Variants in LINGO2 observed in about 807,000 individuals in gnomAD.
LINGO2 encodes leucine rich repeat and Ig domain containing 2, also known as leucine-rich repeat and immunoglobulin-like domain-containing nogo receptor-interacting protein 2.
In LINGO2, 14 loss-of-function variants were observed where a neutral mutation model predicts 30.6. That is an observed-to-expected ratio of 0.46 (90% confidence interval 0.30 to 0.72). LINGO2 has a LOEUF of 0.72. Ranked by LOEUF, LINGO2 falls within the 30% of genes least tolerant of loss-of-function variation. The pLI is 0.07. For missense variants in LINGO2, 729 were observed against 751.7 expected (o/e 0.97, Z 0.35); for synonymous variants, 317 against 288.5 (o/e 1.10, Z -1.00).
chr9:29,199,165 G>A, the LINGO2 span, among the ~76,000 whole-genome samples: 5 of 152,078 alleles, frequency 3.3e-5, no homozygotes, highest in African/African-American at 1.2e-4. Context: ...AGACTGCAGT[G>A]TCTAAAGGAA....
chr9:29,201,098 C>T, the LINGO2 span, among the ~76,000 whole-genome samples: 7 of 151,990 alleles, frequency 4.6e-5, no homozygotes, highest in African/African-American at 7.2e-5. Context: ...CTTTTTCCTC[C>T]TCCTTTCTAT....
At chr9:27,971,436 C>T (rs987018489) in intron 5 of LINGO2, among the ~76,000 whole-genome samples, 2 of 152,084 alleles carry the variant, frequency 1.3e-5, no homozygotes, top group Non-Finnish European at 1.5e-5. Flanking sequence ...GGCTGGAGTG[C>T]GGTGGCCATG....
the LINGO2 span, among the ~76,000 whole-genome samples, chr9:29,083,350 G>T: frequency 7.9e-5 from 12 of 151,998 alleles, no homozygotes; most frequent in African/African-American, 2.9e-4. Context: ...ACCAAACACC[G>T]CATGTTCTCA....
At chr9:27,951,508 A>G (rs953190264) in intron 5 of LINGO2, among the ~76,000 whole-genome samples, 74 of 152,224 alleles carry the variant, frequency 4.9e-4, no homozygotes, top group Non-Finnish European at 7.6e-4. Context: ...AAAAAGTATC[A>G]TTTAATGATA....
intron 4 of LINGO2, among the ~76,000 whole-genome samples, chr9:28,226,673 AAG>A (rs1249595494): frequency 5.2e-5 from 5 of 95,784 alleles, no homozygotes; most frequent in African/African-American, 2.4e-4. Flanking sequence ...GAAAGAAAGA[AAG>A]AAAGAAAGAA....
intron 4 of LINGO2, among the ~76,000 whole-genome samples, chr9:28,124,462 C>T (rs1423483856): frequency 2.6e-5 from 4 of 152,154 alleles, no homozygotes; most frequent in Non-Finnish European, 5.9e-5. Context: ...AGACATATCA[C>T]ATTTATAATG....
At chr9:28,171,895 C>A (rs1218159798) in intron 4 of LINGO2, among the ~76,000 whole-genome samples, 1 of 149,178 alleles carries the variant, frequency 6.7e-6, no homozygotes, top group Non-Finnish European at 1.5e-5. Flanking sequence ...GGTGGCGGGC[C>A]CCTGTAGTTC....
chr9:28,669,780 T>A (rs1452373489), intron 1 of LINGO2, among the ~76,000 whole-genome samples: 1 of 152,064 alleles, frequency 6.6e-6, no homozygotes, highest in Non-Finnish European at 1.5e-5. Context: ...TTTAAATTTA[T>A]ATACCTCTTA....
intron 2 of LINGO2, among the ~76,000 whole-genome samples, chr9:28,391,501 A>G (rs990818550): frequency 6.6e-6 from 1 of 152,156 alleles, no homozygotes; most frequent in South Asian, 2.1e-4. Flanking sequence ...GTTATGATTT[A>G]TCATTTCCTT....
chr9:28,848,050 TATATATATATATGTATATAA>T, the LINGO2 span, among the ~76,000 whole-genome samples: 1 of 21,296 alleles, frequency 4.7e-5, no homozygotes, highest in South Asian at 2.0e-3. Context: ...ATATAGTATA[TATATATATATATGTATATAA>T]TATATATATA....
At chr9:28,684,708 A>T in the LINGO2 span, among the ~76,000 whole-genome samples, 50 of 150,732 alleles carry the variant, frequency 3.3e-4, no homozygotes, top group African/African-American at 1.2e-3. Flanking sequence ...TAGTAGAGAC[A>T]GGGTTTCACC....
the LINGO2 span, among the ~76,000 whole-genome samples, chr9:28,686,345 A>C: frequency 1.3e-5 from 2 of 152,092 alleles, no homozygotes; most frequent in African/African-American, 4.8e-5. Context: ...GGTACTGTAC[A>C]TATTATTGAT....
chr9:28,164,663 G>T (rs1828377986), intron 4 of LINGO2, among the ~76,000 whole-genome samples: 1 of 152,144 alleles, frequency 6.6e-6, no homozygotes, highest in Admixed American at 6.5e-5. Flanking sequence ...AAAGTCACCA[G>T]GGAAGGTGCT....
intron 5 of LINGO2, among the ~76,000 whole-genome samples, chr9:27,992,491 G>T (rs1476403767): frequency 1.3e-5 from 2 of 151,938 alleles, no homozygotes; most frequent in African/African-American, 4.8e-5. Flanking sequence ...ATTATCATAG[G>T]TAAGGAAAAG....
At chr9:28,870,556 T>C in the LINGO2 span, among the ~76,000 whole-genome samples, 1 of 152,060 alleles carries the variant, frequency 6.6e-6, no homozygotes, top group East Asian at 1.9e-4. Flanking sequence ...GTGTATTGGT[T>C]TATACGTTTA....
At chr9:28,475,676 T>A (rs1011664902) in intron 2 of LINGO2, among the ~76,000 whole-genome samples, 1 of 152,128 alleles carries the variant, frequency 6.6e-6, no homozygotes, top group Non-Finnish European at 1.5e-5. Flanking sequence ...AATCTCCATT[T>A]TAAAATAGGG....
chr9:28,191,344 G>A (rs150283137), intron 4 of LINGO2, among the ~76,000 whole-genome samples: 1 of 152,294 alleles, frequency 6.6e-6, no homozygotes, highest in Non-Finnish European at 1.5e-5. Context: ...TAGAGGTAAA[G>A]TATAGCTCTG....
the LINGO2 span, among the ~76,000 whole-genome samples, chr9:28,903,576 A>G: frequency 2.0e-5 from 3 of 152,130 alleles, no homozygotes; most frequent in Non-Finnish European, 2.9e-5. Context: ...CCTGGGCTCA[A>G]GGAATCCTCC....
intron 2 of LINGO2, among the ~76,000 whole-genome samples, chr9:28,397,317 T>C (rs1364275730): frequency 6.7e-6 from 1 of 149,860 alleles, no homozygotes; most frequent in Non-Finnish European, 1.5e-5. Flanking sequence ...TAAATTGACA[T>C]AAAATTGTAT....
Sources: allele counts gnomAD v4.1 joint callset (sites outside exome capture counted in the v4.1 genomes callset), GRCh38; gene constraint gnomAD v4.1.1; transcripts MANE v1.5; gene names NCBI Gene and HGNC (gene_info 2026-07-23, HGNC 2026-07-21).